Variants in GRIK4 observed in about 807,000 individuals in gnomAD.
The protein encoded by GRIK4 is glutamate receptor ionotropic, kainate 4.
In GRIK4, 40 loss-of-function variants were observed where a neutral mutation model predicts 104.9. The observed-to-expected ratio is 0.38, with a 90% CI of 0.30 to 0.50. GRIK4 has a LOEUF of 0.50. Among genes scored for constraint, GRIK4 ranks in the 20% least tolerant of loss-of-function variants. The pLI is 0.93. For missense variants in GRIK4, 1,047 were observed against 1,308.1 expected, an observed-to-expected ratio of 0.80 and a Z score of 3.08; for synonymous variants, 485 against 524.9, an observed-to-expected ratio of 0.92 and a Z score of 1.04.
chr11:120,691,685 C>T (rs1300969367), intron 3 of GRIK4, among the ~76,000 whole-genome samples: 1 of 152,186 alleles, frequency 6.6e-6, no homozygotes, highest in Non-Finnish European at 1.5e-5. Flanking sequence ...GAACCCAGGT[C>T]CTGGAGACCA....
chr11:120,848,901 G>C (rs1009225632), intron 8 of GRIK4, among the ~76,000 whole-genome samples: 1 of 152,114 alleles, frequency 6.6e-6, no homozygotes, highest in Admixed American at 6.5e-5. Flanking sequence ...CAGGGGGTGT[G>C]AGAACAGAAT....
chr11:120,920,218 T>A (rs1256997533), intron 13 of GRIK4, among the ~76,000 whole-genome samples: 2 of 152,162 alleles, frequency 1.3e-5, no homozygotes, highest in African/African-American at 4.8e-5. Context: ...CACCCCTGGA[T>A]TACTATGAGA....
chr11:120,736,853 T>G (rs1340770119), intron 3 of GRIK4, among the ~76,000 whole-genome samples: 1 of 151,650 alleles, frequency 6.6e-6, no homozygotes, highest in Non-Finnish European at 1.5e-5. Context: ...AATGAGCCTC[T>G]TATCCCCAGA....
intron 4 of GRIK4, among the ~76,000 whole-genome samples, chr11:120,803,962 G>A (rs1172827096): frequency 6.6e-6 from 1 of 152,166 alleles, no homozygotes; most frequent in East Asian, 1.9e-4. Flanking sequence ...GCTAGTCAAT[G>A]GCTGAGCTGG....
At chr11:120,594,997 G>C (rs767719351) in intron 1 of GRIK4, among the ~76,000 whole-genome samples, 1 of 152,190 alleles carries the variant, frequency 6.6e-6, no homozygotes, top group Non-Finnish European at 1.5e-5. Context: ...CAGATGGAAG[G>C]AGCAGGCCTC....
At chr11:120,836,020 G>C (rs752739735) in intron 7 of GRIK4, among the ~76,000 whole-genome samples, 1 of 152,294 alleles carries the variant, frequency 6.6e-6, no homozygotes, top group African/African-American at 2.4e-5. Flanking sequence ...TGTTTCCGAC[G>C]TCACTGCAGA....
chr11:120,764,945 C>A (rs746379277), intron 3 of GRIK4, among the ~76,000 whole-genome samples: 1 of 152,074 alleles, frequency 6.6e-6, no homozygotes, highest in Admixed American at 6.6e-5. Context: ...TGGGGTTGCT[C>A]TTCTCTAGGA....
intron 1 of GRIK4, among the ~76,000 whole-genome samples, chr11:120,617,761 C>T (rs1949135229): frequency 6.6e-6 from 1 of 152,130 alleles, no homozygotes; most frequent in African/African-American, 2.4e-5. Flanking sequence ...TTGCCTTTGG[C>T]CATGATTGTA....
intron 2 of GRIK4, among the ~76,000 whole-genome samples, chr11:120,656,857 A>C (rs1289607320): frequency 6.6e-6 from 1 of 152,174 alleles, no homozygotes; most frequent in Non-Finnish European, 1.5e-5. Context: ...CTGTCTCAAA[A>C]ATAAATGTAG....
At chr11:120,574,160 G>A (rs1035387497) in intron 1 of GRIK4, among the ~76,000 whole-genome samples, 8 of 152,192 alleles carry the variant, frequency 5.3e-5, no homozygotes, top group Non-Finnish European at 8.8e-5. Flanking sequence ...CACGTGCCAG[G>A]TGCGTGGTGG....
At position 120,905,388 on chromosome 11, in the gene GRIK4, G is replaced by C. The variant is rs1024373854; in HGVS notation, c.1371G>C (p.Glu457Asp). 6.2e-7 allele frequency: 1 copy of C among 1,614,126 alleles called. No homozygotes were observed. Among genetic ancestry groups the C allele is most frequent in the South Asian group, 1.1e-5 (1 of 91,086 alleles). ...FCVDMLKELA[E>D]ILRFNYKIRL... Reference sequence around the variant, plus strand: ...TGGACATGCTCAAGGAGCTGGCAGAGATCCTCCGATTCAACTACAAGATCC... The same window carrying C: ...TGGACATGCTCAAGGAGCTGGCAGACATCCTCCGATTCAACTACAAGATCC... The change falls in exon 13 of 21, where the codon GAG becomes GAC. Residue 457 changes from glutamate (E) to aspartate (D), a missense_variant. Glu to Asp is a conservative substitution (Grantham distance 45). Transcript: ENST00000527524. The surrounding 1 kb of genome is among the most constrained non-coding windows in gnomAD (Gnocchi z 5.1).
chr11:120,701,730 C>G (rs1423623725), intron 3 of GRIK4, among the ~76,000 whole-genome samples: 1 of 152,118 alleles, frequency 6.6e-6, no homozygotes. Context: ...GGGATCACTC[C>G]AGTTGCTGCA....
chr11:120,802,609 T>C, intron 3 of GRIK4, 84 bp from the exon 4 acceptor site: 5 of 1,168,016 alleles, frequency 4.3e-6, no homozygotes, highest in Non-Finnish European at 6.3e-6. Context: ...AAGAGGAAGG[T>C]GGCAGCAGGG....
At chr11:120,815,603 C>T (rs1952935820) in intron 5 of GRIK4, 128 bp downstream of exon 5, 2 of 568,382 alleles carry the variant, frequency 3.5e-6, no homozygotes, top group Admixed American at 3.8e-5. Flanking sequence ...ATAACAACAA[C>T]ATAAATACAA....
intron 3 of GRIK4, among the ~76,000 whole-genome samples, chr11:120,783,647 G>A (rs1952206847): frequency 1.3e-5 from 2 of 152,064 alleles, no homozygotes; most frequent in African/African-American, 4.8e-5. Context: ...ATCGGAATAG[G>A]ACTGCTTTTT....
intron 3 of GRIK4, among the ~76,000 whole-genome samples, chr11:120,754,970 G>C (rs765100289): frequency 1.1e-4 from 17 of 152,214 alleles, no homozygotes; most frequent in Non-Finnish European, 2.2e-4. Context: ...TCATTGGTAG[G>C]CTGTCTTTTT....
chr11:120,914,729 C>T (rs765075906), intron 13 of GRIK4, among the ~76,000 whole-genome samples: 18 of 152,036 alleles, frequency 1.2e-4, no homozygotes, highest in African/African-American at 3.6e-4. Context: ...ATGTCCAGAG[C>T]GCTAGTGGGA....
chr11:120,569,345 A>T (rs1421021241), intron 1 of GRIK4, among the ~76,000 whole-genome samples: 2 of 152,224 alleles, frequency 1.3e-5, no homozygotes, highest in African/African-American at 4.8e-5. Context: ...TGATGATAAT[A>T]CTAATAATTC....
At chr11:120,532,670 G>A (rs996554387) in intron 1 of GRIK4, among the ~76,000 whole-genome samples, 1 of 152,184 alleles carries the variant, frequency 6.6e-6, no homozygotes, top group Non-Finnish European at 1.5e-5. Context: ...AGCATCTTCT[G>A]CTTTCTGGCA....
Sources: allele counts gnomAD v4.1 joint callset (sites outside exome capture counted in the v4.1 genomes callset), GRCh38; gene constraint gnomAD v4.1.1; non-coding constraint Gnocchi (gnomAD v3.1); transcripts MANE v1.5; gene names NCBI Gene and HGNC (gene_info 2026-07-23, HGNC 2026-07-21).